The following TRAPPC12 variants were observed in gnomAD, a reference collection of about 807,000 sequenced individuals.
TRAPPC12 encodes the protein trafficking protein particle complex subunit 12, also known as TPR repeat protein 15.
A neutral mutation model predicts 69.2 loss-of-function variants in TRAPPC12; 61 were observed. That is an observed-to-expected ratio of 0.88 (90% CI 0.72 to 1.09). The LOEUF (loss-of-function observed/expected upper bound fraction) is 1.09, where lower values mean the gene tolerates loss of function less well. TRAPPC12 is among the 50% of genes least tolerant of loss of function. The pLI is 0.00. For missense variants in TRAPPC12, 1,101 were observed against 1,016.4 expected (o/e 1.08, Z -1.13); for synonymous variants, 469 against 438.9 (o/e 1.07, Z -0.86).
chr2:3,444,084 G>A (rs943160943), intron 6 of TRAPPC12, among the ~76,000 whole-genome samples, 193 bp downstream of exon 6: 3 of 152,190 alleles, frequency 2.0e-5, no homozygotes, highest in Non-Finnish European at 2.9e-5. Flanking sequence ...TTTAGGGATG[G>A]TAAGAGTTTC....
chr2:3,400,471 G>A lies in TRAPPC12; in HGVS notation c.1048-1306G>A, dbSNP rs115543074. 2.6e-3 allele frequency among the ~76,000 whole-genome samples: 393 copies of A among 152,100 alleles called. 2 individuals carry two copies. Among genetic ancestry groups the A allele is most frequent in the African/African-American group, 9.1e-3 (379 of 41,470 alleles). ...CCTGGGCTGCTCTATCCCCCCAGCT[G>A]CCCCTGCCTCAGGTGTTTCAGGGAC... On this transcript the variant is annotated intron_variant, in intron 2 of 11. Transcript: ENST00000324266.
At chr2:3,457,444 C>G (rs2103132801) in intron 6 of TRAPPC12, among the ~76,000 whole-genome samples, 177 bp from the exon 7 acceptor site, 1 of 152,188 alleles carries the variant, frequency 6.6e-6, no homozygotes, top group Non-Finnish European at 1.5e-5. Context: ...AATAAAGTTG[C>G]AATTTAAAAT....
chr2:3,426,392 C>T (rs117615561), intron 5 of TRAPPC12, among the ~76,000 whole-genome samples: 2,648 of 152,336 alleles, frequency 0.017, 110 homozygotes, highest in East Asian at 0.17. Context: ...GGGACGTAGA[C>T]GCCAGTCCTT....
At chr2:3,468,875 C>T (rs1665940914) in intron 9 of TRAPPC12, among the ~76,000 whole-genome samples, 1 of 152,188 alleles carries the variant, frequency 6.6e-6, no homozygotes, top group Non-Finnish European at 1.5e-5. Context: ...ATGGAGGACG[C>T]CACACGGAGT....
intron 5 of TRAPPC12, among the ~76,000 whole-genome samples, chr2:3,427,107 G>T (rs559343838): frequency 1.6e-4 from 24 of 152,330 alleles, no homozygotes. Flanking sequence ...TGTTTAATCA[G>T]TTATGCCTGG....
intron 5 of TRAPPC12, among the ~76,000 whole-genome samples, chr2:3,427,790 G>A (rs1663196474): frequency 6.6e-6 from 1 of 152,150 alleles, no homozygotes; most frequent in Admixed American, 6.5e-5. Context: ...CTACTCAGGA[G>A]GCTGAGGCAC....
intron 9 of TRAPPC12, among the ~76,000 whole-genome samples, chr2:3,469,519 A>T (rs1342657352): frequency 6.6e-6 from 1 of 152,218 alleles, no homozygotes; most frequent in Non-Finnish European, 1.5e-5. Flanking sequence ...ATGAGGGCCC[A>T]GAGACAGGCC....
rs945298002 is a variant in TRAPPC12, at chr2:3,461,104, G to A, written c.1677+768G>A. On this transcript the variant is annotated intron_variant, in intron 8 of 11. Transcript: ENST00000324266. ...TCCCACACCCATGCGGCTTTCATGG[G>A]GCCAAGGTCATTCCTGAGCTTGATT... 4.6e-5 allele frequency among the ~76,000 whole-genome samples: 7 copies of A among 152,290 alleles called. No homozygotes were observed. In the East Asian group the frequency reaches 1.2e-3, roughly 25 times the overall value.
chr2:3,406,233 C>G (rs144598971), intron 3 of TRAPPC12, among the ~76,000 whole-genome samples: 1 of 152,142 alleles, frequency 6.6e-6, no homozygotes, highest in Non-Finnish European at 1.5e-5. Flanking sequence ...TCGGAGTAAG[C>G]GCAAAAACCC....
chr2:3,464,272 C>T (rs765982588), intron 8 of TRAPPC12, among the ~76,000 whole-genome samples: 7 of 152,206 alleles, frequency 4.6e-5, no homozygotes, highest in Non-Finnish European at 7.3e-5. Context: ...GAGACCGAGG[C>T]ATGTGCTGTC....
rs116050546 is a variant in TRAPPC12, at chr2:3,416,311, G to A, written c.1165-5570G>A. Among the ~76,000 whole-genome samples, 577 of 152,218 alleles carry A rather than the reference G, an allele frequency of 3.8e-3. 2 individuals carry two copies. The highest frequency in any genetic ancestry group is 0.012 in the African/African-American group (495 of 41,530). On this transcript the variant is annotated intron_variant, in intron 3 of 11. Coordinates refer to ENST00000324266, the MANE Select transcript of TRAPPC12 (RefSeq NM_016030.6). ...GTCTTGTAACAGCTTCGCCTCACAG[G>A]CATTCGCACCGTGACTTCCACAGGT...
intron 6 of TRAPPC12, among the ~76,000 whole-genome samples, chr2:3,446,443 C>T (rs1266546411): frequency 6.6e-6 from 1 of 152,212 alleles, no homozygotes. Flanking sequence ...TGCACTGTGG[C>T]ACAGCTGGTG....
At chr2:3,457,766 T>C (rs1306412226) in intron 7 of TRAPPC12, 73 bp downstream of exon 7, 1 of 1,574,004 alleles carries the variant, frequency 6.4e-7, no homozygotes. Context: ...AGCCTCTCGC[T>C]TCCTCTCCTT....
chr2:3,473,559 A>G (rs925671678), intron 9 of TRAPPC12, among the ~76,000 whole-genome samples: 7 of 152,224 alleles, frequency 4.6e-5, no homozygotes, highest in African/African-American at 1.7e-4. Context: ...AGCTCACTGC[A>G]GCCTTGACCT....
chr2:3,388,445 G>A lies in TRAPPC12; in HGVS notation c.822G>A (p.Pro274=), dbSNP rs1333171887. Residue 274 remains proline, a synonymous_variant, in exon 2 of 12, where the codon CCG becomes CCA. Coordinates refer to ENST00000324266, the MANE Select transcript of TRAPPC12 (RefSeq NM_016030.6). ...GAGGGCCCCAGGCAGCTGCGCCCCC[G>A]GCGTCGCCAGAGCCTTTCGCGCACA... ...AMRGPQAAAP[P]ASPEPFAHIQ... is the part of the protein sequence containing the mutation. 4 of 1,608,984 alleles carry A rather than the reference G, an allele frequency of 2.5e-6. No homozygotes were observed. Among genetic ancestry groups the A allele is most frequent in the Non-Finnish European group, 3.4e-6 (4 of 1,178,158 alleles).
At chr2:3,472,588 A>G (rs1276103210) in intron 9 of TRAPPC12, 2 of 152,246 alleles carry the variant, frequency 1.3e-5, no homozygotes, top group African/African-American at 4.8e-5. Flanking sequence ...AAGTGCAAGC[A>G]AAAAGAAAAT....
At chr2:3,475,087 T>C (rs35968674) in intron 9 of TRAPPC12, among the ~76,000 whole-genome samples, 18,549 of 152,204 alleles carry the variant, frequency 0.12, 1,284 homozygotes, top group South Asian at 0.19. Context: ...GATTAGTTTA[T>C]ACACTGTTTT....
At chr2:3,412,286 C>T (rs1020656276) in intron 3 of TRAPPC12, among the ~76,000 whole-genome samples, 4 of 152,166 alleles carry the variant, frequency 2.6e-5, no homozygotes, top group African/African-American at 9.7e-5. Flanking sequence ...TGAGGCTGGA[C>T]ATGGTGGCTC....
intron 2 of TRAPPC12, among the ~76,000 whole-genome samples, chr2:3,399,671 G>T (rs1003568620): frequency 1.3e-5 from 2 of 152,176 alleles, no homozygotes; most frequent in Non-Finnish European, 2.9e-5. Flanking sequence ...AGCAATGTCA[G>T]CAGCTTTTCT....
Sources: allele counts gnomAD v4.1 joint callset (sites outside exome capture counted in the v4.1 genomes callset), GRCh38; gene constraint gnomAD v4.1.1; transcripts MANE v1.5; gene names NCBI Gene and HGNC (gene_info 2026-07-23, HGNC 2026-07-21).